The following EVI5 variants were observed in gnomAD, a reference collection of about 807,000 sequenced individuals.
EVI5 encodes ecotropic viral integration site 5.
Under a neutral mutation model 112.0 loss-of-function variants are expected in EVI5, and 73 were observed. That is an observed-to-expected ratio of 0.65 (90% CI 0.54 to 0.79). The LOEUF is 0.79. Among genes scored for constraint, EVI5 ranks in the 30% least tolerant of loss-of-function variants. The pLI is 0.00. For synonymous variants in EVI5, 305 were observed against 319.9 expected, an observed-to-expected ratio of 0.95 and a Z score of 0.50; for missense variants, 900 against 968.8, an observed-to-expected ratio of 0.93 and a Z score of 0.94.
At chr1:92,692,032 T>C (rs749911420) in intron 9 of EVI5, among the ~76,000 whole-genome samples, 1 of 152,156 alleles carries the variant, frequency 6.6e-6, no homozygotes, top group Non-Finnish European at 1.5e-5. Context: ...TCAGTAACTA[T>C]GCAATAACAA....
intron 2 of EVI5, among the ~76,000 whole-genome samples, chr1:92,717,568 C>T (rs1050660732): frequency 2.0e-5 from 3 of 152,126 alleles, no homozygotes; most frequent in African/African-American, 4.8e-5. Flanking sequence ...AAGGAACAAC[C>T]GTTACCAGCC....
At chr1:92,628,666 T>C (rs958429743) in intron 14 of EVI5, among the ~76,000 whole-genome samples, 1 of 152,048 alleles carries the variant, frequency 6.6e-6, no homozygotes, top group Non-Finnish European at 1.5e-5. Context: ...TACCAAGAGA[T>C]CCAAAATGAG....
intron 19 of EVI5, among the ~76,000 whole-genome samples, chr1:92,527,479 C>A (rs1314891355): frequency 1.3e-5 from 2 of 150,264 alleles, no homozygotes; most frequent in Non-Finnish European, 3.0e-5. Context: ...TGTATTTAGG[C>A]TCATTTTTAA....
At chr1:92,792,027 G>A (rs754226359) in intron 1 of EVI5, among the ~76,000 whole-genome samples, 2 of 152,170 alleles carry the variant, frequency 1.3e-5, no homozygotes, top group Non-Finnish European at 2.9e-5. Flanking sequence ...TCAAAGAAAC[G>A]TAAACAGCAG....
chr1:92,680,067 C>T (rs1404084389), intron 9 of EVI5, among the ~76,000 whole-genome samples: 1 of 152,166 alleles, frequency 6.6e-6, no homozygotes, highest in Non-Finnish European at 1.5e-5. Context: ...CATAATTGTT[C>T]TTTCTATGGC....
chr1:92,529,575 A>T (rs1662493420), intron 19 of EVI5, among the ~76,000 whole-genome samples: 1 of 152,224 alleles, frequency 6.6e-6, no homozygotes, highest in Non-Finnish European at 1.5e-5. Flanking sequence ...AATCAGTCTC[A>T]GTTTCAATTA....
chr1:92,765,616 G>C (rs1477059175), intron 1 of EVI5, among the ~76,000 whole-genome samples: 1 of 151,282 alleles, frequency 6.6e-6, no homozygotes, highest in Non-Finnish European at 1.5e-5. Flanking sequence ...TTATTTCCCA[G>C]GCATCAATTC....
chr1:92,726,742 C>A (rs1675628763), intron 2 of EVI5, among the ~76,000 whole-genome samples: 1 of 151,946 alleles, frequency 6.6e-6, no homozygotes, highest in African/African-American at 2.4e-5. Flanking sequence ...GAGTTTATAA[C>A]ACATATAAAA....
At chr1:92,689,876 A>G (rs988553212) in intron 9 of EVI5, among the ~76,000 whole-genome samples, 3 of 152,054 alleles carry the variant, frequency 2.0e-5, no homozygotes, top group Non-Finnish European at 2.9e-5. Flanking sequence ...TGGTAATTAA[A>G]GGGAATAATA....
chr1:92,739,861 C>T (rs1263463272), intron 1 of EVI5, among the ~76,000 whole-genome samples: 2 of 151,510 alleles, frequency 1.3e-5, no homozygotes, highest in African/African-American at 2.4e-5. Context: ...AATATTCCCC[C>T]CTGGGTAAAG....
At chr1:92,658,052 A>T (rs1456017423) in intron 13 of EVI5, among the ~76,000 whole-genome samples, 1 of 152,214 alleles carries the variant, frequency 6.6e-6, no homozygotes, top group Non-Finnish European at 1.5e-5. Flanking sequence ...TGGAAGGGAG[A>T]TCCAAGCCAT....
chr1:92,775,055 A>T (rs939864798), intron 1 of EVI5, among the ~76,000 whole-genome samples: 2 of 152,236 alleles, frequency 1.3e-5, no homozygotes, highest in Non-Finnish European at 2.9e-5. Flanking sequence ...GATATCTTGA[A>T]TTTTATATAC....
At chr1:92,727,674 T>C (rs576267854) in intron 2 of EVI5, among the ~76,000 whole-genome samples, 14 of 152,152 alleles carry the variant, frequency 9.2e-5, no homozygotes, top group African/African-American at 3.1e-4. Context: ...GATTGTCAGA[T>C]TGTATTTTTA....
chr1:92,747,506 G>A (rs1679455812), intron 1 of EVI5, among the ~76,000 whole-genome samples: 1 of 152,020 alleles, frequency 6.6e-6, no homozygotes, highest in Non-Finnish European at 1.5e-5. Flanking sequence ...TTGAGATCAG[G>A]AGTTTGAGAC....
At chr1:92,783,103 G>A (rs1685075020) in intron 1 of EVI5, among the ~76,000 whole-genome samples, 1 of 152,050 alleles carries the variant, frequency 6.6e-6, no homozygotes, top group Non-Finnish European at 1.5e-5. Flanking sequence ...TCACATGCGT[G>A]AGCCACCGCA....
chr1:92,656,938 C>T (rs994843937), intron 13 of EVI5, among the ~76,000 whole-genome samples: 4 of 152,112 alleles, frequency 2.6e-5, no homozygotes, highest in Non-Finnish European at 5.9e-5. Flanking sequence ...GAATTCACAG[C>T]CAAATTCTAC....
Position 92,512,522 on chromosome 1 carries a change from CT to C in EVI5, c.*1133del, listed in dbSNP as rs1659249146. The C allele has an allele frequency of 6.6e-6, 1 of 152,240 alleles. No individual in the cohort carries two copies. Among genetic ancestry groups the C allele is most frequent in the African/African-American group, 2.4e-5 (1 of 41,538 alleles). 9.4% of individuals were successfully genotyped at this position (152,240 alleles called of 1,614,324 possible). ...TTTTAACCTATTATTTACAGAAGTC[CT>C]GTTAGATGCTGAAAGCAGTCATTTT... On this transcript the variant is annotated 3_prime_UTR_variant, in exon 20 of 20. Transcript: ENST00000684568.
chr1:92,551,329 C>G (rs1263077873), intron 19 of EVI5, among the ~76,000 whole-genome samples: 1 of 152,010 alleles, frequency 6.6e-6, no homozygotes, highest in Non-Finnish European at 1.5e-5. Flanking sequence ...TGCTCGGCAA[C>G]TGCATGAATT....
intron 1 of EVI5, among the ~76,000 whole-genome samples, chr1:92,749,862 C>G (rs2102915067): frequency 6.6e-6 from 1 of 152,286 alleles, no homozygotes; most frequent in Middle Eastern, 3.4e-3. Context: ...TTCCAAATAT[C>G]CATACTAATT....
Sources: allele counts gnomAD v4.1 joint callset (sites outside exome capture counted in the v4.1 genomes callset), GRCh38; gene constraint gnomAD v4.1.1; transcripts MANE v1.5; gene names NCBI Gene and HGNC (gene_info 2026-07-23, HGNC 2026-07-21).